OPCML: variants seen among roughly 807,000 people sequenced by gnomAD.
The protein encoded by OPCML is opioid-binding protein/cell adhesion molecule.
A neutral mutation model predicts 37.8 loss-of-function variants in OPCML; 13 were observed. The observed-to-expected ratio is 0.34, with a 90% CI of 0.22 to 0.55. OPCML has a LOEUF of 0.55. OPCML is among the 20% of genes least tolerant of loss of function. OPCML has a pLI of 0.91. For missense variants in OPCML, 341 were observed against 435.6 expected, an observed-to-expected ratio of 0.78 and a Z score of 1.93; for synonymous variants, 176 against 168.8, an observed-to-expected ratio of 1.04 and a Z score of -0.33.
intron 1 of OPCML, among the ~76,000 whole-genome samples, chr11:133,235,102 G>A (rs549737231): frequency 3.9e-5 from 6 of 151,962 alleles, no homozygotes; most frequent in South Asian, 4.2e-4. Flanking sequence ...CAGGGGCTCC[G>A]CGGCTTTAGC....
intron 1 of OPCML, among the ~76,000 whole-genome samples, chr11:133,239,165 G>A (rs917369441): frequency 6.6e-5 from 10 of 152,184 alleles, no homozygotes; most frequent in Admixed American, 3.3e-4. Context: ...TACTTTCTTT[G>A]GGAATTACCC....
At chr11:132,767,926 C>G (rs1591581645) in intron 2 of OPCML, among the ~76,000 whole-genome samples, 1 of 152,186 alleles carries the variant, frequency 6.6e-6, no homozygotes, top group Admixed American at 6.5e-5. Context: ...CATTAGGAAC[C>G]TTCACCCTCA....
rs2096012802 is a variant in OPCML, at chr11:132,436,299, C to T, written c.765-62G>A. The T allele has an allele frequency of 1.9e-6, 3 of 1,611,186 alleles. No individual in the cohort carries two copies. In the South Asian group the frequency reaches 3.3e-5, roughly 18 times the overall value. ...CAAAGAGGCCCTCCTCCTCACCAAA[C>T]TCTTTTCTCCAACTAATCTCGTCCT... On this transcript the variant is annotated intron_variant, in intron 6 of 7. Transcript: ENST00000524381.
At chr11:133,249,452 C>T (rs1941055734) in intron 1 of OPCML, among the ~76,000 whole-genome samples, 1 of 152,196 alleles carries the variant, frequency 6.6e-6, no homozygotes, top group Non-Finnish European at 1.5e-5. Flanking sequence ...CAGGCCCCAC[C>T]TCCAACATTG....
chr11:133,400,107 C>A (rs142203103), intron 1 of OPCML, among the ~76,000 whole-genome samples: 1 of 152,146 alleles, frequency 6.6e-6, no homozygotes, highest in Non-Finnish European at 1.5e-5. Flanking sequence ...AGCTTGGGCT[C>A]CTGCCCATTA....
chr11:133,173,906 G>C lies in OPCML; in HGVS notation c.62-230896C>G, dbSNP rs767134821. 6.6e-6 allele frequency among the ~76,000 whole-genome samples: 1 copy of C among 152,152 alleles called. No homozygotes were observed. Among genetic ancestry groups the C allele is most frequent in the Non-Finnish European group, 1.5e-5 (1 of 68,026 alleles). ...TGAGGGCTGGAATGAAGATTGGACC[G>C]GGGCCGGCCGGCACTGGAGCAGCCC... On this transcript the variant is annotated intron_variant, in intron 1 of 7. Transcript: ENST00000524381. This position sits in a 1 kb window ranked among gnomAD's most constrained non-coding sequence, Gnocchi z 7.8.
intron 3 of OPCML, among the ~76,000 whole-genome samples, chr11:132,630,352 G>A (rs886123693): frequency 6.6e-6 from 1 of 152,190 alleles, no homozygotes; most frequent in African/African-American, 2.4e-5. Context: ...GAGGTCAAGA[G>A]ATTGAGACCA....
intron 4 of OPCML, among the ~76,000 whole-genome samples, chr11:132,447,329 C>T (rs753120012): frequency 9.2e-5 from 14 of 152,154 alleles, no homozygotes; most frequent in Non-Finnish European, 1.6e-4. Context: ...CAGAGTTTCA[C>T]GCTCTCTTGC....
chr11:132,895,396 G>A (rs571799741), intron 2 of OPCML, among the ~76,000 whole-genome samples: 1 of 152,198 alleles, frequency 6.6e-6, no homozygotes, highest in Non-Finnish European at 1.5e-5. Context: ...ATAAATAGCT[G>A]AAGAGCTTCT....
At chr11:133,037,500 G>A (rs1282597022) in intron 1 of OPCML, among the ~76,000 whole-genome samples, 1 of 152,146 alleles carries the variant, frequency 6.6e-6, no homozygotes, top group Non-Finnish European at 1.5e-5. Flanking sequence ...TTGTAACCTA[G>A]CTGCAGTATA....
intron 1 of OPCML, among the ~76,000 whole-genome samples, chr11:132,980,345 A>C (rs1053060654): frequency 6.6e-6 from 1 of 152,252 alleles, no homozygotes; most frequent in African/African-American, 2.4e-5. Flanking sequence ...AAATCTCTGA[A>C]AGAAGAATTT....
intron 2 of OPCML, among the ~76,000 whole-genome samples, chr11:132,882,905 T>C (rs1943269102): frequency 6.6e-6 from 1 of 152,152 alleles, no homozygotes; most frequent in South Asian, 2.1e-4. Flanking sequence ...AAAGACTTTC[T>C]AGGAAGTGGG....
chr11:133,240,314 C>G (rs1940681540), intron 1 of OPCML, among the ~76,000 whole-genome samples: 1 of 152,022 alleles, frequency 6.6e-6, no homozygotes, highest in African/African-American at 2.4e-5. Context: ...ATTTATCGTC[C>G]CTCAACTATG....
At chr11:133,261,958 G>T (rs987943394) in intron 1 of OPCML, among the ~76,000 whole-genome samples, 1 of 152,112 alleles carries the variant, frequency 6.6e-6, no homozygotes, top group Non-Finnish European at 1.5e-5. Context: ...GATCTCATCC[G>T]GGCACCATTG....
chr11:132,518,901 T>G (rs1321513681), intron 4 of OPCML, among the ~76,000 whole-genome samples: 1 of 152,198 alleles, frequency 6.6e-6, no homozygotes, highest in African/African-American at 2.4e-5. Flanking sequence ...ATAGACAGCT[T>G]TACAACAGAC....
chr11:132,481,795 T>G (rs1200008008), intron 4 of OPCML, among the ~76,000 whole-genome samples: 1 of 151,008 alleles, frequency 6.6e-6, no homozygotes, highest in African/African-American at 2.5e-5. Flanking sequence ...ACATGGAAAC[T>G]GAACAACCCG....
chr11:133,525,198 T>G (rs756745732), intron 1 of OPCML, among the ~76,000 whole-genome samples: 8 of 152,206 alleles, frequency 5.3e-5, no homozygotes, highest in Non-Finnish European at 1.0e-4. Context: ...CTCGCCTACT[T>G]TGAAGCATAA....
intron 1 of OPCML, among the ~76,000 whole-genome samples, chr11:133,083,485 G>C (rs1177170532): frequency 1.3e-5 from 2 of 152,226 alleles, no homozygotes; most frequent in African/African-American, 4.8e-5. Flanking sequence ...GCCAGGCAGG[G>C]CCCCGGAAGG....
At chr11:133,458,049 G>A (rs1183031173) in intron 1 of OPCML, among the ~76,000 whole-genome samples, 1 of 151,944 alleles carries the variant, frequency 6.6e-6, no homozygotes, top group Non-Finnish European at 1.5e-5. Context: ...GGGAAGCTGA[G>A]GCAGTAGAAT....
Sources: gnomAD v4.1 joint callset for allele counts (sites outside exome capture counted in the v4.1 genomes callset) on GRCh38, gnomAD v4.1.1 for gene constraint, Gnocchi (gnomAD v3.1) non-coding constraint, MANE v1.5 for transcripts, NCBI Gene and HGNC (gene_info 2026-07-23, HGNC 2026-07-21) for gene names.